BMP3: variants seen among roughly 807,000 people sequenced by gnomAD.
BMP3 encodes bone morphogenetic protein 3 (osteogenic).
A neutral mutation model predicts 38.1 loss-of-function variants in BMP3; 23 were observed. That is an observed-to-expected ratio of 0.60 (90% CI 0.43 to 0.86). BMP3 has a LOEUF of 0.86. Among genes scored for constraint, BMP3 ranks in the 40% least tolerant of loss-of-function variants. BMP3 has a pLI of 0.00. For synonymous variants in BMP3, 258 were observed against 225.7 expected (o/e 1.14, Z -1.28); for missense variants, 628 against 579.6 (o/e 1.08, Z -0.86).
In BMP3 at chr4:81,052,848, A is replaced by G. The variant is rs1266801923; in HGVS notation, c.1228-497A>G. The stretch of plus-strand genomic sequence containing the variant: ...TAAATATCAATATAGCAGTGGCAAT[A>G]ATGTATCTCTGTTAAATAGAGTGCT... On this transcript the variant is annotated intron_variant, in intron 2 of 2. Transcript: ENST00000282701. Among the ~76,000 whole-genome samples, 4 of 152,298 alleles carry G rather than the reference A, an allele frequency of 2.6e-5. No individual in the cohort carries two copies. The East Asian group carries it at 5.8e-4, about 22-fold the overall frequency.
At chr4:81,051,185 G>A (rs1301477842) in intron 2 of BMP3, among the ~76,000 whole-genome samples, 2 of 151,984 alleles carry the variant, frequency 1.3e-5, no homozygotes, top group East Asian at 1.9e-4. Flanking sequence ...GTAAAAAAAA[G>A]GACAGGAATT....
intron 2 of BMP3, 68 bp downstream of exon 2, chr4:81,046,716 T>TA: frequency 6.7e-7 from 1 of 1,498,176 alleles, no homozygotes; most frequent in Non-Finnish European, 9.0e-7. Flanking sequence ...TTGACTAAGT[T>TA]AGTGTGCATA....
chr4:81,052,738 A>T (rs1740430072), intron 2 of BMP3, among the ~76,000 whole-genome samples: 2 of 152,236 alleles, frequency 1.3e-5, no homozygotes, highest in South Asian at 4.1e-4. Flanking sequence ...GTGGAATAGT[A>T]ACCATCCAAT....
rs5859748 is a variant in BMP3, at chr4:81,032,194, CAAAAAAAAAAAA to C, written c.316+609_316+620del. Among the ~76,000 whole-genome samples, 84 of 74,040 alleles carry C rather than the reference CAAAAAAAAAAAA, an allele frequency of 1.1e-3. 2 individuals are homozygous for C. In the South Asian group the frequency reaches 0.024, roughly 21 times the overall value. 48.6% of individuals were successfully genotyped at this position (74,040 alleles called of 152,430 possible). On this transcript the variant is annotated intron_variant, in intron 1 of 2. Coordinates refer to ENST00000282701, the MANE Select transcript of BMP3 (RefSeq NM_001201.5). ...ACTTTACTTGATAGTTCCTTAGTGG[CAAAAAAAAAAAA>C]AAAAAAAAAAAAAACAGGTGCTTGG...
intron 1 of BMP3, among the ~76,000 whole-genome samples, chr4:81,037,874 A>G (rs1252812390): frequency 1.3e-5 from 2 of 152,162 alleles, no homozygotes; most frequent in African/African-American, 2.4e-5. Flanking sequence ...TTCGTGGACT[A>G]GCTGCATCAG....
At position 81,048,836 on chromosome 4, in the gene BMP3, G is replaced by A. The variant is rs189073952; in HGVS notation, c.1227+2188G>A. On this transcript the variant is annotated intron_variant, in intron 2 of 2. Coordinates refer to ENST00000282701, the MANE Select transcript of BMP3 (RefSeq NM_001201.5). ...TTGCCCTGGATTTAGTTAATATGTA[G>A]GTTCTGATCCAGTGGATATAGGAGT... Among the ~76,000 whole-genome samples, 6 of 152,304 alleles carry A rather than the reference G, an allele frequency of 3.9e-5. No individual in the cohort carries two copies. The East Asian group carries it at 1.2e-3, about 29-fold the overall frequency.
intron 1 of BMP3, among the ~76,000 whole-genome samples, chr4:81,043,726 T>G (rs113515844): frequency 6.6e-6 from 1 of 152,004 alleles, no homozygotes; most frequent in African/African-American, 2.4e-5. Context: ...TAGCTGGGAT[T>G]ACAGGTGTGT....
intron 1 of BMP3, 32 bp downstream of exon 1, chr4:81,031,632 G>A (rs1001769563): frequency 5.9e-6 from 9 of 1,522,642 alleles, no homozygotes; most frequent in South Asian, 3.9e-5. Context: ...CCCTTCCCGC[G>A]GTCCCGCCCC....
At position 81,046,321 on chromosome 4, in the gene BMP3, C is replaced by T; in HGVS notation, c.900C>T (p.Asn300=). 1.2e-6 allele frequency: 2 copies of T among 1,613,992 alleles called. No individual in the cohort carries two copies. Among genetic ancestry groups the T allele is most frequent in the Non-Finnish European group, 1.7e-6 (2 of 1,180,012 alleles). ...STGVLLPLQN[N]ELPGAEYQYK... The stretch of plus-strand genomic sequence containing the variant: ...GGGTCTTGCTGCCTCTGCAGAACAA[C>T]GAGCTTCCTGGGGCAGAATACCAGT... The change falls in exon 2 of 3, where the codon AAC becomes AAT. Residue 300 remains asparagine (N), a synonymous_variant. Coordinates refer to ENST00000282701, the MANE Select transcript of BMP3 (RefSeq NM_001201.5).
At chr4:81,047,724 A>G (rs1441985465) in intron 2 of BMP3, among the ~76,000 whole-genome samples, 2 of 152,120 alleles carry the variant, frequency 1.3e-5, no homozygotes, top group Admixed American at 6.6e-5. Flanking sequence ...TTCATGTTCT[A>G]GCCAAGTGTA....
intron 2 of BMP3, among the ~76,000 whole-genome samples, chr4:81,051,999 T>A (rs1048978086): frequency 6.6e-6 from 1 of 151,902 alleles, no homozygotes; most frequent in Non-Finnish European, 1.5e-5. Flanking sequence ...TAATCCTTTT[T>A]TTCTTTTTTT....
chr4:81,049,429 C>A (rs1740346993), intron 2 of BMP3, among the ~76,000 whole-genome samples: 2 of 152,090 alleles, frequency 1.3e-5, no homozygotes. Context: ...AGCAACTGAA[C>A]TCATCATAAT....
intron 2 of BMP3, among the ~76,000 whole-genome samples, chr4:81,053,111 G>T (rs1338439123): frequency 6.6e-6 from 1 of 152,116 alleles, no homozygotes; most frequent in Non-Finnish European, 1.5e-5. Flanking sequence ...TAGCTTTGTT[G>T]TGAGAATTAG....
intron 2 of BMP3, among the ~76,000 whole-genome samples, chr4:81,050,593 C>T (rs570473108): frequency 6.6e-6 from 1 of 151,906 alleles, no homozygotes; most frequent in Admixed American, 6.6e-5. Flanking sequence ...AATCTAAACA[C>T]TTTGAACCAA....
chr4:81,049,562 A>G (rs1176410459), intron 2 of BMP3, among the ~76,000 whole-genome samples: 1 of 152,188 alleles, frequency 6.6e-6, no homozygotes, highest in East Asian at 1.9e-4. Flanking sequence ...TGGCTGTTAC[A>G]TAGAGTTCTC....
chr4:81,053,685 A>G lies in BMP3; in HGVS notation c.*149A>G, dbSNP rs1442850674. On this transcript the variant is annotated 3_prime_UTR_variant, in exon 3 of 3. Coordinates refer to ENST00000282701, the MANE Select transcript of BMP3 (RefSeq NM_001201.5). Reference sequence around the variant, plus strand: ...TAGTCAGAGGGGAATGAGCAAATAGACTGAAGATTGCCACCAAGGAAAAGA... The same window carrying G: ...TAGTCAGAGGGGAATGAGCAAATAGGCTGAAGATTGCCACCAAGGAAAAGA... 1 of 489,560 alleles carries G rather than the reference A, an allele frequency of 2.0e-6. No individual in the cohort carries two copies. Among genetic ancestry groups the G allele is most frequent in the Non-Finnish European group, 3.3e-6 (1 of 305,096 alleles). 30.3% of individuals were successfully genotyped at this position (489,560 alleles called of 1,614,324 possible). A position where few individuals can be genotyped will look rare whatever the true frequency, so the allele number is the denominator to read the frequency against.
Position 81,034,259 on chromosome 4 carries a change from T to C in BMP3, c.316+2659T>C, listed in dbSNP as rs77108794. ...GGAGTGCTTGTAAGTTTTTTTGTCA[T>C]GTGGAAGGGTTTACATAAAGATAGG... On this transcript the variant is annotated intron_variant, in intron 1 of 2. Transcript: ENST00000282701. Among the ~76,000 whole-genome samples, 863 of 151,190 alleles carry C rather than the reference T, an allele frequency of 5.7e-3. 4 individuals are homozygous for C. Among genetic ancestry groups the C allele is most frequent in the African/African-American group, 0.02 (818 of 41,392 alleles).
At position 81,030,860 on chromosome 4, in the gene BMP3, G is replaced by A. The variant is rs553977938; in HGVS notation, c.-425G>A. The A allele has an allele frequency of 1.0e-3, 191 of 182,842 alleles. No homozygotes were observed. The highest frequency in any genetic ancestry group is 4.3e-3 in the African/African-American group (182 of 41,926). The allele number at this position is 182,842 out of a possible 1,614,324, so 11.3% of individuals were successfully genotyped here. A position where few individuals can be genotyped will look rare whatever the true frequency, so the allele number is the denominator to read the frequency against. ...AGCGCCCTCCGGACCGCTGCGCACA[G>A]CCCCGGCTCCGACCTGGCGCCCAAA... On this transcript the variant is annotated 5_prime_UTR_variant, in exon 1 of 3. Transcript: ENST00000282701.
At position 81,031,419 on chromosome 4, in the gene BMP3, C is replaced by A. The variant is rs763097226; in HGVS notation, c.135C>A (p.Gly45=). ...CAGGTGACCGCACGGCAGGTGGTGG[C>A]CCGGACTCCGAGCTGCAGCCGCAAG... ...AVPGDRTAGG[G]PDSELQPQDK... Residue 45 remains glycine, a synonymous_variant, in exon 1 of 3, where the codon GGC becomes GGA. Transcript: ENST00000282701. The A allele has an allele frequency of 6.2e-7, 1 of 1,613,696 alleles. No homozygotes were observed. Among genetic ancestry groups the A allele is most frequent in the East Asian group, 2.2e-5 (1 of 44,838 alleles).
Sources: gnomAD v4.1 joint callset for allele counts (sites outside exome capture counted in the v4.1 genomes callset) on GRCh38, gnomAD v4.1.1 for gene constraint, MANE v1.5 for transcripts, NCBI Gene and HGNC (gene_info 2026-07-23, HGNC 2026-07-21) for gene names.